ANKRD26: variants seen among roughly 807,000 people sequenced by gnomAD.
ANKRD26 encodes the protein ankyrin repeat domain-containing protein 26.
In ANKRD26, 141 loss-of-function variants were observed where a neutral mutation model predicts 208.7. That is an observed-to-expected ratio of 0.68 (90% confidence interval 0.59 to 0.78). The LOEUF (loss-of-function observed/expected upper bound fraction) is 0.78. Among genes scored for constraint, ANKRD26 ranks in the 30% least tolerant of loss-of-function variants. The probability of loss-of-function intolerance (pLI) is 0.00; values close to 1 mark genes in which losing one functional copy is unlikely to be tolerated. For missense variants in ANKRD26, 1,889 were observed against 1,938.7 expected, an observed-to-expected ratio of 0.97 and a Z score of 0.48; for synonymous variants, 636 against 660.4, an observed-to-expected ratio of 0.96 and a Z score of 0.57.
intron 24 of ANKRD26, among the ~76,000 whole-genome samples, chr10:27,034,426 A>T (rs1364025782): frequency 6.6e-6 from 1 of 152,244 alleles, no homozygotes; most frequent in Non-Finnish European, 1.5e-5. Flanking sequence ...TCCTCATTTC[A>T]GGTATAAGCA....
rs985704110 is a variant in ANKRD26 at position 27,031,068 on chromosome 10, C to A, written c.3808-1712G>T. The stretch of plus-strand genomic sequence containing the variant: ...TGAGATCCAGAACAGTCAGAGAAAG[C>A]TTCCGAAAGGAGGGGGAATTGTGTG... On this transcript the variant is annotated intron_variant, in intron 25 of 33. Transcript: ENST00000376087. 2.2e-4 allele frequency among the ~76,000 whole-genome samples: 34 copies of A among 152,312 alleles called. No homozygotes were observed. The East Asian group carries it at 6.4e-3, about 29-fold the overall frequency.
At chr10:27,073,167 G>A (rs993953600) in intron 9 of ANKRD26, among the ~76,000 whole-genome samples, 4 of 152,238 alleles carry the variant, frequency 2.6e-5, no homozygotes, top group African/African-American at 9.6e-5. Context: ...TCCTTCAGCA[G>A]AGGGACAGGT....
At chr10:26,992,264 C>G (rs2052500158) in intron 5 of ANKRD26, among the ~76,000 whole-genome samples, 1 of 151,958 alleles carries the variant, frequency 6.6e-6, no homozygotes. Context: ...CATTTTCCTC[C>G]CATTTTTTCT....
intron 32 of ANKRD26, among the ~76,000 whole-genome samples, chr10:27,011,868 C>T (rs770606847): frequency 3.3e-5 from 5 of 152,166 alleles, no homozygotes; most frequent in Non-Finnish European, 5.9e-5. Flanking sequence ...GGCACAAGTG[C>T]ATTTTTTAAA....
At chr10:27,084,326 T>C (rs1334151132) in intron 5 of ANKRD26, among the ~76,000 whole-genome samples, 1 of 151,516 alleles carries the variant, frequency 6.6e-6, no homozygotes, top group Non-Finnish European at 1.5e-5. Flanking sequence ...AAGTAAACAA[T>C]TATAGAAATC....
chr10:26,994,089 A>G (rs1377679205), intron 5 of ANKRD26, among the ~76,000 whole-genome samples: 1 of 152,232 alleles, frequency 6.6e-6, no homozygotes, highest in Non-Finnish European at 1.5e-5. Context: ...AAATATAGGC[A>G]TTCTTTTGTA....
chr10:27,096,674 G>A (rs1425295635), intron 1 of ANKRD26, among the ~76,000 whole-genome samples: 7 of 149,938 alleles, frequency 4.7e-5, no homozygotes, highest in Admixed American at 4.0e-4. Flanking sequence ...GCTGAGGCAC[G>A]AGAATTGCTT....
chr10:26,991,435 G>C (rs975769303), downstream of ANKRD26, among the ~76,000 whole-genome samples: 3 of 151,500 alleles, frequency 2.0e-5, no homozygotes, highest in Non-Finnish European at 4.4e-5. Flanking sequence ...ATTGAAGGAA[G>C]GTAATTTTTT....
At chr10:27,096,442 T>G (rs1376077686) in intron 1 of ANKRD26, among the ~76,000 whole-genome samples, 1 of 152,194 alleles carries the variant, frequency 6.6e-6, no homozygotes, top group Admixed American at 6.5e-5. Flanking sequence ...GAAAAGAATT[T>G]GCATAGAAGT....
At chr10:26,996,048 A>G (rs2052585240) in intron 4 of ANKRD26, among the ~76,000 whole-genome samples, 1 of 152,214 alleles carries the variant, frequency 6.6e-6, no homozygotes, top group Non-Finnish European at 1.5e-5. Context: ...AAGGCACTGT[A>G]GATGCACAAC....
rs140733402 is a variant in ANKRD26 at position 27,024,962 on chromosome 10, G to A, written c.3973-403C>T. Reference sequence around the variant, plus strand: ...TTTAGAAAACTTTCATCTGGTTCCCGTTACATTTTTTATACTCACCTGACT... The same window carrying A: ...TTTAGAAAACTTTCATCTGGTTCCCATTACATTTTTTATACTCACCTGACT... On this transcript the variant is annotated intron_variant, in intron 27 of 33. Coordinates refer to ENST00000376087, the MANE Select transcript of ANKRD26 (RefSeq NM_014915.3). Among the ~76,000 whole-genome samples the A allele has an allele frequency of 3.1e-3, 476 of 152,158 alleles. 1 individual carries two copies. The highest frequency in any genetic ancestry group is 4.8e-3 in the Non-Finnish European group (329 of 67,988).
chr10:27,005,334 A>G lies in ANKRD26; in HGVS notation c.*256T>C. ...TAACTGCACTAAAGTATTAATGACA[A>G]CTTAGTGGTTTGGCTGTTTAAACAG... On this transcript the variant is annotated 3_prime_UTR_variant, in exon 34 of 34. Coordinates refer to ENST00000376087, the MANE Select transcript of ANKRD26 (RefSeq NM_014915.3). The G allele has an allele frequency of 8.6e-7, 1 of 1,168,612 alleles. No homozygotes were observed. Among genetic ancestry groups the G allele is most frequent in the Non-Finnish European group, 1.1e-6 (1 of 942,656 alleles). 72.4% of individuals were successfully genotyped at this position (1,168,612 alleles called of 1,614,324 possible). A position where few individuals can be genotyped will look rare whatever the true frequency, so the allele number is the denominator to read the frequency against.
chr10:27,095,535 G>A (rs531595846), intron 1 of ANKRD26, among the ~76,000 whole-genome samples: 52 of 152,168 alleles, frequency 3.4e-4, no homozygotes, highest in Non-Finnish European at 6.2e-4. Context: ...GGACATGGTG[G>A]TACATGCCTG....
chr10:27,037,758 T>C (rs1564377246), intron 22 of ANKRD26, 113 bp downstream of exon 22: 1 of 875,518 alleles, frequency 1.1e-6, no homozygotes, highest in African/African-American at 1.7e-5. Flanking sequence ...ACAGGTCAGC[T>C]TGAGATAACA....
At chr10:27,046,913 A>AC (rs1294253370) in intron 17 of ANKRD26, among the ~76,000 whole-genome samples, 1 of 152,116 alleles carries the variant, frequency 6.6e-6, no homozygotes, top group Non-Finnish European at 1.5e-5. Flanking sequence ...ATGGGAGAAA[A>AC]CCATTCTACT....
intron 30 of ANKRD26, among the ~76,000 whole-genome samples, chr10:27,015,428 C>T (rs1206262421): frequency 1.3e-5 from 2 of 152,202 alleles, no homozygotes; most frequent in Non-Finnish European, 2.9e-5. Context: ...ATGGCTTGGG[C>T]CCTGCTGTTT....
In ANKRD26 at chr10:27,100,348, G is replaced by A. The variant is rs1204374207; in HGVS notation, c.-22C>T. 1 of 1,604,374 alleles carries A rather than the reference G, an allele frequency of 6.2e-7. No individual in the cohort carries two copies. Among genetic ancestry groups the A allele is most frequent in the Non-Finnish European group, 8.5e-7 (1 of 1,179,776 alleles). On this transcript the variant is annotated 5_prime_UTR_variant, in exon 1 of 34. Transcript: ENST00000376087. ...TCATGGCCCAGGCGACCGGGCTTCA[G>A]AGACACCTCATGTCTCTCTCGGCTC...
chr10:27,074,327 A>G (rs1003527337), intron 9 of ANKRD26, among the ~76,000 whole-genome samples: 1 of 152,232 alleles, frequency 6.6e-6, no homozygotes, highest in African/African-American at 2.4e-5. Context: ...AGAGAAAGAT[A>G]TTTTAAAGAA....
Position 27,017,576 on chromosome 10 carries a change from A to G in ANKRD26, c.4432T>C (p.Tyr1478His). 1 of 1,613,648 alleles carries G rather than the reference A, an allele frequency of 6.2e-7. No homozygotes were observed. Among genetic ancestry groups the G allele is most frequent in the Non-Finnish European group, 8.5e-7 (1 of 1,179,812 alleles). The part of the protein sequence containing the change: ...NMVELGQVKQ[Y>H]KQEIEERARQ... ...GCTCTTTCTTCAATCTCCTGTTTATACTGTTTGACTTGACCAAGTTCTACC... is the reference window on the plus strand; with the variant it reads ...GCTCTTTCTTCAATCTCCTGTTTATGCTGTTTGACTTGACCAAGTTCTACC... Residue 1478 changes from tyrosine to histidine, a missense_variant, in exon 30 of 34, where the codon TAT becomes CAT. Around this residue, in one of 3 missense-constraint regions of ANKRD26, gnomAD observed 613 missense variants for 648.2 expected, o/e 0.95. Coordinates refer to ENST00000376087, the MANE Select transcript of ANKRD26 (RefSeq NM_014915.3).
Sources: gnomAD v4.1 joint callset for allele counts (sites outside exome capture counted in the v4.1 genomes callset) on GRCh38, gnomAD v4.1.1 for gene constraint, gnomAD v4.1.1 regional missense constraint, MANE v1.5 for transcripts, NCBI Gene and HGNC (gene_info 2026-07-23, HGNC 2026-07-21) for gene names.